Variants in ARHGAP19 observed in about 807,000 individuals in gnomAD.
ARHGAP19 encodes the protein rho GTPase-activating protein 19.
ARHGAP19 carries 48 observed loss-of-function variants against 60.9 expected under a neutral mutation model. That is an observed-to-expected ratio of 0.79 (90% confidence interval 0.62 to 1.00). ARHGAP19 has a LOEUF of 1.00. Ranked by LOEUF, ARHGAP19 falls within the 50% of genes least tolerant of loss-of-function variation. The pLI, the probability that ARHGAP19 is intolerant of heterozygous loss-of-function variation, is 0.00. For missense variants in ARHGAP19, 562 were observed against 597.2 expected (o/e 0.94, Z 0.61); for synonymous variants, 209 against 215.5 (o/e 0.97, Z 0.27).
intron 8 of ARHGAP19, among the ~76,000 whole-genome samples, chr10:97,243,405 A>G (rs1039556537): frequency 1.3e-5 from 2 of 152,172 alleles, no homozygotes; most frequent in Non-Finnish European, 2.9e-5. Context: ...CCAAAATAGC[A>G]AATTTGTTCC....
intron 6 of ARHGAP19, among the ~76,000 whole-genome samples, chr10:97,254,749 A>G (rs1484655678): frequency 1.3e-5 from 2 of 152,200 alleles, no homozygotes; most frequent in African/African-American, 4.8e-5. Flanking sequence ...TAAAAAGGCA[A>G]CCCACAGAAT....
intron 6 of ARHGAP19, among the ~76,000 whole-genome samples, chr10:97,249,400 C>A (rs185306904): frequency 6.6e-6 from 1 of 152,134 alleles, no homozygotes; most frequent in Non-Finnish European, 1.5e-5. Context: ...GGCAATGTGA[C>A]GCACACAAAC....
chr10:97,273,769 A>T (rs1434534121), intron 1 of ARHGAP19, among the ~76,000 whole-genome samples: 2 of 152,116 alleles, frequency 1.3e-5, no homozygotes, highest in Non-Finnish European at 2.9e-5. Flanking sequence ...GATTACAGGC[A>T]TGAGCCACCA....
chr10:97,264,348 G>C (rs1220857988), intron 3 of ARHGAP19, among the ~76,000 whole-genome samples: 1 of 152,084 alleles, frequency 6.6e-6, no homozygotes, highest in African/African-American at 2.4e-5. Flanking sequence ...AGTTACTAGG[G>C]AGGCCAAGGT....
At position 97,263,563 on chromosome 10, in the gene ARHGAP19, G is replaced by A; in HGVS notation, c.470C>T (p.Ala157Val). Reference sequence around the variant, plus strand: ...GTCAATGTCAGTTCCATTATTGAGAGCATCCCTTAAAATCTGCTGTCGGAC... The same window carrying A: ...GTCAATGTCAGTTCCATTATTGAGAACATCCCTTAAAATCTGCTGTCGGAC... Reference protein sequence around the residue: ...NSVRQQILRDALNNGTDIDLE... With the variant: ...NSVRQQILRDVLNNGTDIDLE... The change falls in exon 4 of 12, where the codon GCT becomes GTT. Residue 157 changes from alanine to valine, a missense_variant. By Grantham distance (64) the Ala-to-Val change is moderately conservative. Coordinates refer to ENST00000358531, the MANE Select transcript of ARHGAP19 (RefSeq NM_032900.6). 3.7e-6 allele frequency: 6 copies of A among 1,614,110 alleles called. No individual in the cohort carries two copies. The highest frequency in any genetic ancestry group is 4.2e-6 in the Non-Finnish European group (5 of 1,180,008).
In ARHGAP19 at chr10:97,222,769, G is replaced by C. The variant is rs1437284421; in HGVS notation, c.*3353C>G. 6.6e-6 allele frequency: 1 copy of C among 152,070 alleles called. No homozygotes were observed. Among genetic ancestry groups the C allele is most frequent in the Non-Finnish European group, 1.5e-5 (1 of 68,024 alleles). 9.4% of individuals were successfully genotyped at this position (152,070 alleles called of 1,614,324 possible). A position where few individuals can be genotyped will look rare whatever the true frequency, so the allele number is the denominator to read the frequency against. On this transcript the variant is annotated 3_prime_UTR_variant, in exon 12 of 12. Coordinates refer to ENST00000358531, the MANE Select transcript of ARHGAP19 (RefSeq NM_032900.6). ...AGCCTTCAGGGTAAAGGAGGGCAGA[G>C]ATAAGGCTCTCTCCTGGGGAAAGGA... is the stretch of plus-strand genomic sequence containing the variant.
In ARHGAP19 at chr10:97,265,861, C is replaced by G. The variant is rs559966746; in HGVS notation, c.321G>C (p.Lys107Asn). The stretch of plus-strand genomic sequence containing the variant: ...ACCCTTCACAAACACATCTCCTACC[C>G]TTTCGCTTGAGAGACATGAGAGACC... ...FFRSLMSLKR[K>N]EKGVIFGSPL... Residue 107 changes from lysine to asparagine, a missense_variant and splice_region_variant, in exon 2 of 12, where the codon AAG becomes AAC. By Grantham distance (94) the Lys-to-Asn change is moderately conservative. Transcript: ENST00000358531. 1 of 1,614,062 alleles carries G rather than the reference C, an allele frequency of 6.2e-7. No homozygotes were observed. Among genetic ancestry groups the G allele is most frequent in the African/African-American group, 1.3e-5 (1 of 75,026 alleles).
chr10:97,237,263 CA>C (rs367997995), intron 8 of ARHGAP19, among the ~76,000 whole-genome samples: 14 of 119,028 alleles, frequency 1.2e-4, no homozygotes, highest in Admixed American at 2.7e-4. Flanking sequence ...GACCTTGTCT[CA>C]AAAAAAAAAA....
At chr10:97,271,226 T>C (rs1243358500) in intron 1 of ARHGAP19, among the ~76,000 whole-genome samples, 1 of 151,990 alleles carries the variant, frequency 6.6e-6, no homozygotes, top group Non-Finnish European at 1.5e-5. Context: ...TAAAGAGAAA[T>C]GGATAAAAGG....
intron 6 of ARHGAP19, among the ~76,000 whole-genome samples, chr10:97,248,963 T>C (rs9645543): frequency 0.043 from 6,584 of 151,970 alleles, 210 homozygotes; most frequent in Non-Finnish European, 0.061. Flanking sequence ...ACCACAGGAG[T>C]GTGCCATCAC....
chr10:97,270,545 C>CT (rs1464642145), intron 1 of ARHGAP19: 2 of 1,423,988 alleles, frequency 1.4e-6, no homozygotes, highest in African/African-American at 2.9e-5. Context: ...ACTTTCTACT[C>CT]TACAATATTG....
chr10:97,228,795 T>C (rs192913189), intron 11 of ARHGAP19, among the ~76,000 whole-genome samples: 1 of 152,238 alleles, frequency 6.6e-6, no homozygotes, highest in Non-Finnish European at 1.5e-5. Context: ...AACTATTCCA[T>C]AAGCATACTC....
At chr10:97,281,605 G>A (rs1376856394) in intron 1 of ARHGAP19, among the ~76,000 whole-genome samples, 1 of 152,146 alleles carries the variant, frequency 6.6e-6, no homozygotes, top group Admixed American at 6.5e-5. Context: ...GTAACTTTAC[G>A]GTATTGTAAG....
rs946981 is a variant in ARHGAP19, at chr10:97,235,319, A to G, written c.1186-4T>C. On this transcript the variant is annotated splice_region_variant and splice_polypyrimidine_tract_variant and intron_variant, in intron 8 of 11. Coordinates refer to ENST00000358531, the MANE Select transcript of ARHGAP19 (RefSeq NM_032900.6). The stretch of plus-strand genomic sequence containing the variant: ...GGGTCAATGATTGCTTATTAAACTA[A>G]AAGAAAACATGGAGAACATTTTATA... 0.3 allele frequency: 480,255 copies of G among 1,597,372 alleles called. 73,722 individuals carry two copies. Among genetic ancestry groups the G allele is most frequent in the South Asian group, 0.32 (29,395 of 90,454 alleles).
chr10:97,283,225 T>C (rs1843108931), intron 1 of ARHGAP19, among the ~76,000 whole-genome samples: 3 of 152,088 alleles, frequency 2.0e-5, no homozygotes. Flanking sequence ...ATAAATAGGC[T>C]CCAGCATCTG....
intron 7 of ARHGAP19, among the ~76,000 whole-genome samples, chr10:97,245,615 AAAT>A (rs1331429604): frequency 2.7e-5 from 4 of 150,870 alleles, no homozygotes; most frequent in Admixed American, 6.6e-5. Flanking sequence ...AAAAAAAAAA[AAAT>A]CATCATTATC....
At chr10:97,257,925 C>T (rs1842777577) in intron 5 of ARHGAP19, among the ~76,000 whole-genome samples, 1 of 152,110 alleles carries the variant, frequency 6.6e-6, no homozygotes, top group Admixed American at 6.6e-5. Context: ...AAAGCTATTA[C>T]AGTAAGTCCT....
chr10:97,268,189 T>C (rs1361760302), intron 1 of ARHGAP19, among the ~76,000 whole-genome samples: 1 of 152,230 alleles, frequency 6.6e-6, no homozygotes, highest in Non-Finnish European at 1.5e-5. Context: ...ACCAGTCTCT[T>C]TGCATAGCAA....
chr10:97,284,139 T>C (rs1394184539), intron 1 of ARHGAP19, among the ~76,000 whole-genome samples: 1 of 152,154 alleles, frequency 6.6e-6, no homozygotes, highest in Non-Finnish European at 1.5e-5. Flanking sequence ...CTTTTTGTTT[T>C]TGAGACATTG....
Sources: gnomAD v4.1 joint callset for allele counts (sites outside exome capture counted in the v4.1 genomes callset) on GRCh38, gnomAD v4.1.1 for gene constraint, MANE v1.5 for transcripts, NCBI Gene and HGNC (gene_info 2026-07-23, HGNC 2026-07-21) for gene names.